KCTD1: variants seen among roughly 807,000 people sequenced by gnomAD.
KCTD1 encodes potassium channel tetramerization domain containing 1.
Under a neutral mutation model 66.0 loss-of-function variants are expected in KCTD1, and 24 were observed. The observed-to-expected ratio is 0.36, with a 90% CI of 0.26 to 0.51. The LOEUF (loss-of-function observed/expected upper bound fraction) is 0.51, where lower values mean the gene tolerates loss of function less well. Ranked by LOEUF, KCTD1 falls within the 20% of genes least tolerant of loss-of-function variation. KCTD1 has a pLI of 0.95. For synonymous variants in KCTD1, 511 were observed against 517.2 expected (o/e 0.99, Z 0.16); for missense variants, 943 against 1,205.2 (o/e 0.78, Z 3.22).
chr18:26,503,141 G>A (rs1982852050), intron 1 of KCTD1, among the ~76,000 whole-genome samples: 1 of 152,186 alleles, frequency 6.6e-6, no homozygotes, highest in African/African-American at 2.4e-5. Flanking sequence ...TAGAAAAAGA[G>A]TTAATGTTTT....
At chr18:26,558,995 T>C (rs780524418) in intron 1 of KCTD1, among the ~76,000 whole-genome samples, 5 of 151,812 alleles carry the variant, frequency 3.3e-5, no homozygotes, top group Non-Finnish European at 2.9e-5. Context: ...CCAACCTTGA[T>C]GGAACTGGGG....
At chr18:26,531,029 G>A (rs914766400) in intron 1 of KCTD1, among the ~76,000 whole-genome samples, 3 of 152,126 alleles carry the variant, frequency 2.0e-5, no homozygotes, top group Non-Finnish European at 4.4e-5. Context: ...TGGGGAATAG[G>A]GCAGTGAGCA....
intron 1 of KCTD1, among the ~76,000 whole-genome samples, chr18:26,527,781 T>A (rs2144765834): frequency 6.6e-6 from 1 of 152,332 alleles, no homozygotes; most frequent in African/African-American, 2.4e-5. Context: ...CTCTACATAA[T>A]TTTTGTTCAA....
At chr18:26,650,468 A>T (rs1988009797) in intron 1 of KCTD1, among the ~76,000 whole-genome samples, 1 of 152,234 alleles carries the variant, frequency 6.6e-6, no homozygotes, top group Admixed American at 6.5e-5. Context: ...CTAGGCATAT[A>T]CATCCTGTTA....
chr18:26,657,412 TC>T, upstream of KCTD1: 2 of 984,468 alleles, frequency 2.0e-6, no homozygotes, highest in African/African-American at 3.5e-5. Flanking sequence ...CCTTTTCCTC[TC>T]CCCCCTTTTC....
At position 26,547,513 on chromosome 18, in the gene KCTD1, C is replaced by T. The variant is rs1007990566; in HGVS notation, c.1024G>A (p.Gly342Ser). 5.2e-6 allele frequency: 8 copies of T among 1,551,440 alleles called. No individual in the cohort carries two copies. The Admixed American group carries it at 5.9e-5, about 11-fold the overall frequency. ...GACTTGAAGTAGACGAACTTGCGACCGTCCTCGTCCATGGCCAGCCCAAAA... is the reference window on the plus strand; with the variant it reads ...GACTTGAAGTAGACGAACTTGCGACTGTCCTCGTCCATGGCCAGCCCAAAA... ...DSFGLAMDED[G>S]RKFVYFKSLG... Residue 342 changes from glycine (G) to serine (S), a missense_variant, in exon 1 of 5, where the codon GGT becomes AGT. Gly to Ser is a moderately conservative substitution (Grantham distance 56). Transcript: ENST00000580059.
chr18:26,657,245 G>T (rs932588961), intron 1 of KCTD1: 16 of 806,192 alleles, frequency 2.0e-5, no homozygotes, highest in African/African-American at 1.1e-4. Flanking sequence ...GCGTGTGTGC[G>T]AGTGTGCCGC....
intron 1 of KCTD1, among the ~76,000 whole-genome samples, chr18:26,653,708 T>C (rs558178400): frequency 6.6e-6 from 1 of 152,360 alleles, no homozygotes; most frequent in Middle Eastern, 3.4e-3. Context: ...ATAATCTGTT[T>C]TGTTTTCTTC....
At chr18:26,651,382 C>CT (rs1312703843) in intron 1 of KCTD1, among the ~76,000 whole-genome samples, 1 of 152,180 alleles carries the variant, frequency 6.6e-6, no homozygotes, top group Non-Finnish European at 1.5e-5. Context: ...CTAGCCTAGT[C>CT]TTTGACTTCA....
Position 26,547,664 on chromosome 18 carries a change from C to T in KCTD1, c.873G>A (p.Lys291=). The T allele has an allele frequency of 1.9e-6, 3 of 1,551,540 alleles. No homozygotes were observed. The highest frequency in any genetic ancestry group is 2.6e-6 in the Non-Finnish European group (3 of 1,146,994). ...TGCTGAAGACGCTGGAGGTGTACAG[C>T]TTGCGCAGGTCGGCGCGCGTGATGG... ...KQAITRADLR[K]LYTSSVFSTN... The change falls in exon 1 of 5, where the codon AAG becomes AAA. Residue 291 remains lysine, a synonymous_variant. Coordinates refer to ENST00000580059, the MANE Select transcript of KCTD1 (RefSeq NM_001142730.3).
chr18:26,599,762 C>T, intron 1 of KCTD1: 1 of 1,577,160 alleles, frequency 6.3e-7, no homozygotes, highest in Non-Finnish European at 8.7e-7. Context: ...TTCACCCTGA[C>T]TCTTTCTGGT....
intron 4 of KCTD1, chr18:26,456,192 A>C (rs1980078843): frequency 3.6e-6 from 1 of 281,374 alleles, no homozygotes. Flanking sequence ...ATGGCTAGTC[A>C]GTGATGGGAC....
chr18:26,546,415 A>G (rs1297551642), intron 1 of KCTD1, among the ~76,000 whole-genome samples: 2 of 152,194 alleles, frequency 1.3e-5, no homozygotes, highest in Non-Finnish European at 2.9e-5. Context: ...TTGCCTTATA[A>G]AACTCATGCA....
chr18:26,534,255 TTC>T (rs1277295070), intron 1 of KCTD1, among the ~76,000 whole-genome samples: 2 of 152,180 alleles, frequency 1.3e-5, no homozygotes, highest in Non-Finnish European at 2.9e-5. Context: ...ATTTAAATTT[TTC>T]TCTGTGGCAT....
At chr18:26,496,878 C>A (rs925637308) in intron 2 of KCTD1, among the ~76,000 whole-genome samples, 2 of 152,044 alleles carry the variant, frequency 1.3e-5, no homozygotes, top group African/African-American at 4.8e-5. Flanking sequence ...GAGGAAGAGG[C>A]CTACATTCTC....
At position 26,509,755 on chromosome 18, in the gene KCTD1, A is replaced by C. The variant is rs566513914; in HGVS notation, c.1810-8505T>G. Among the ~76,000 whole-genome samples the C allele has an allele frequency of 2.6e-5, 4 of 152,352 alleles. No individual in the cohort carries two copies. The East Asian group carries it at 7.7e-4, about 29-fold the overall frequency. On this transcript the variant is annotated intron_variant, in intron 1 of 4. Coordinates refer to ENST00000580059, the MANE Select transcript of KCTD1 (RefSeq NM_001142730.3). ...TTTTCAAAACCCCATATAGCTGGAA[A>C]AGTCACATATACAGGGCACCCTAAG...
intron 1 of KCTD1, among the ~76,000 whole-genome samples, chr18:26,557,676 C>T (rs1299515515): frequency 6.6e-6 from 1 of 152,202 alleles, no homozygotes; most frequent in African/African-American, 2.4e-5. Context: ...AAAGCTCATA[C>T]ATTAAGCAAT....
chr18:26,543,825 GGAGA>G (rs1298105429), intron 1 of KCTD1: 1 of 152,178 alleles, frequency 6.6e-6, no homozygotes, highest in Non-Finnish European at 1.5e-5. Context: ...GTTTAGCACA[GGAGA>G]GAGACATGTC....
upstream of KCTD1, among the ~76,000 whole-genome samples, chr18:26,641,333 A>G (rs1163343859): frequency 6.6e-6 from 1 of 152,224 alleles, no homozygotes; most frequent in Non-Finnish European, 1.5e-5. Context: ...TGTAACCCAC[A>G]GCATAGAGTG....
Sources: gnomAD v4.1 joint callset for allele counts (sites outside exome capture counted in the v4.1 genomes callset) on GRCh38, gnomAD v4.1.1 for gene constraint, MANE v1.5 for transcripts, NCBI Gene and HGNC (gene_info 2026-07-23, HGNC 2026-07-21) for gene names.